Variants in TMEM182 observed in about 807,000 individuals in gnomAD.
TMEM182 encodes the protein transmembrane protein 182.
TMEM182 carries 20 observed loss-of-function variants against 26.8 expected under a neutral mutation model. That is an observed-to-expected ratio of 0.75 (90% CI 0.53 to 1.09). TMEM182 has a LOEUF of 1.09. Among genes scored for constraint, TMEM182 ranks in the 50% least tolerant of loss-of-function variants. The pLI is 0.00. For synonymous variants in TMEM182, 109 were observed against 102.2 expected (o/e 1.07, Z -0.40); for missense variants, 277 against 275.5 (o/e 1.01, Z -0.04).
At chr2:102,819,201 TA>T (rs1281019259), downstream of TMEM182, among the ~76,000 whole-genome samples, 1 of 152,226 alleles carries the variant, frequency 6.6e-6, no homozygotes, top group Admixed American at 6.5e-5. Flanking sequence ...CTGCCACTGT[TA>T]AAAAATTTAC....
At chr2:102,744,547 ATTCT>A (rs1382979908) in intron 1 of TMEM182, among the ~76,000 whole-genome samples, 1 of 152,156 alleles carries the variant, frequency 6.6e-6, no homozygotes, top group East Asian at 1.9e-4. Context: ...CCTATATCAT[ATTCT>A]TTCTTTCTGA....
In TMEM182 at chr2:102,752,390, C is replaced by T. The variant is rs946380455; in HGVS notation, c.-82-5999C>T. The stretch of plus-strand genomic sequence containing the variant: ...CATGATATGCTCTAATTTTTAAGTG[C>T]TTACCCCATACCACATATGTATAAT... On this transcript the variant is annotated intron_variant, in intron 1 of 5. Transcript: ENST00000409173. Among the ~76,000 whole-genome samples, 15 of 152,306 alleles carry T rather than the reference C, an allele frequency of 9.8e-5. No homozygotes were observed. The Middle Eastern group carries it at 0.01, about 104-fold the overall frequency.
At chr2:102,746,323 G>A (rs917125250) in intron 1 of TMEM182, among the ~76,000 whole-genome samples, 3 of 151,892 alleles carry the variant, frequency 2.0e-5, no homozygotes, top group African/African-American at 7.3e-5. Context: ...TCTTTATATG[G>A]TCTAAATACA....
upstream of TMEM182, among the ~76,000 whole-genome samples, chr2:102,761,348 T>C (rs1680205780): frequency 6.6e-6 from 1 of 152,244 alleles, no homozygotes; most frequent in African/African-American, 2.4e-5. Context: ...TTCATCTTAA[T>C]TCAGGAAATA....
chr2:102,762,478 A>G (rs1680253511), intron 1 of TMEM182, 109 bp from the exon 2 acceptor site: 1 of 1,524,924 alleles, frequency 6.6e-7, no homozygotes, highest in Middle Eastern at 1.7e-4. Context: ...AAAGCTACTG[A>G]GCTTCATTAT....
At chr2:102,823,277 G>A (rs991286559) in intron 3 of TMEM182, among the ~76,000 whole-genome samples, 6 of 152,170 alleles carry the variant, frequency 3.9e-5, no homozygotes, top group African/African-American at 9.7e-5. Flanking sequence ...TAGAAAAAAT[G>A]TGAAGTGTAT....
intron 3 of TMEM182, among the ~76,000 whole-genome samples, chr2:102,824,043 A>C (rs1002068405): frequency 6.6e-6 from 1 of 152,240 alleles, no homozygotes; most frequent in Non-Finnish European, 1.5e-5. Context: ...AGATTCAGAA[A>C]GAGGGTTTTA....
chr2:102,739,953 A>G (rs1679497678), intron 1 of TMEM182, among the ~76,000 whole-genome samples: 1 of 152,146 alleles, frequency 6.6e-6, no homozygotes, highest in African/African-American at 2.4e-5. Flanking sequence ...TGAAATTGTA[A>G]TAGGCTAACT....
intron 3 of TMEM182, among the ~76,000 whole-genome samples, chr2:102,787,782 A>T (rs2732809): frequency 2.6e-5 from 4 of 152,020 alleles, no homozygotes; most frequent in Non-Finnish European, 5.9e-5. Context: ...TGGATTCTCC[A>T]GATAGCCCTG....
chr2:102,739,158 G>A (rs1261782465), intron 1 of TMEM182, among the ~76,000 whole-genome samples: 2 of 152,112 alleles, frequency 1.3e-5, no homozygotes, highest in Admixed American at 6.5e-5. Flanking sequence ...ATTATCAGAG[G>A]CCAGGTCATA....
chr2:102,788,416 G>C (rs1375848261), intron 3 of TMEM182, among the ~76,000 whole-genome samples: 4 of 152,076 alleles, frequency 2.6e-5, no homozygotes, highest in Admixed American at 6.5e-5. Flanking sequence ...GTGCTCACCT[G>C]GTCCCCTGGG....
At chr2:102,768,437 C>T (rs1037617116) in intron 3 of TMEM182, among the ~76,000 whole-genome samples, 1 of 151,806 alleles carries the variant, frequency 6.6e-6, no homozygotes, top group African/African-American at 2.4e-5. Context: ...TGTTGTAATC[C>T]CAACACTTTG....
chr2:102,796,562 C>T (rs1045797074), intron 3 of TMEM182, among the ~76,000 whole-genome samples: 3 of 152,212 alleles, frequency 2.0e-5, no homozygotes, highest in African/African-American at 7.2e-5. Flanking sequence ...CACTCTGCAA[C>T]TCGTAATTTC....
At chr2:102,818,673 C>T (rs947250804), downstream of TMEM182, among the ~76,000 whole-genome samples, 13 of 152,028 alleles carry the variant, frequency 8.6e-5, no homozygotes, top group South Asian at 6.2e-4. Flanking sequence ...GGCAATTGGA[C>T]GGTTGAACTT....
At chr2:102,778,190 T>C (rs1048352969) in intron 3 of TMEM182, among the ~76,000 whole-genome samples, 1 of 151,822 alleles carries the variant, frequency 6.6e-6, no homozygotes, top group East Asian at 1.9e-4. Flanking sequence ...CATAGCTCTG[T>C]TTTTTTTATA....
intron 3 of TMEM182, among the ~76,000 whole-genome samples, chr2:102,764,734 A>T (rs976499130): frequency 6.6e-5 from 10 of 152,052 alleles, no homozygotes; most frequent in African/African-American, 2.2e-4. Flanking sequence ...GTTTTAACAG[A>T]CCTAAAACGA....
chr2:102,794,158 A>G (rs973760377), intron 3 of TMEM182, among the ~76,000 whole-genome samples: 3 of 152,238 alleles, frequency 2.0e-5, no homozygotes, highest in African/African-American at 7.2e-5. Flanking sequence ...TTCTTCTAAT[A>G]GTTCTAAAGG....
intron 3 of TMEM182, among the ~76,000 whole-genome samples, chr2:102,783,903 G>T (rs975530202): frequency 1.3e-5 from 2 of 152,172 alleles, no homozygotes; most frequent in Admixed American, 6.5e-5. Flanking sequence ...GGATAATGAG[G>T]TATGCTTGCC....
In TMEM182 at chr2:102,764,436, C is replaced by T. The variant is rs1680345244; in HGVS notation, c.331+9C>T. ...CTATGACTCTGCAGTTAGTAAGTACCCTCTGTCCTCAGCCTACTTCTAAAA... is the reference window on the plus strand; with the variant it reads ...CTATGACTCTGCAGTTAGTAAGTACTCTCTGTCCTCAGCCTACTTCTAAAA... On this transcript the variant is annotated intron_variant, in intron 3 of 4. Transcript: ENST00000412401. 1 of 1,611,526 alleles carries T rather than the reference C, an allele frequency of 6.2e-7. No homozygotes were observed. Among genetic ancestry groups the T allele is most frequent in the Non-Finnish European group, 8.5e-7 (1 of 1,178,166 alleles).
Sources: allele counts gnomAD v4.1 joint callset (sites outside exome capture counted in the v4.1 genomes callset), GRCh38; gene constraint gnomAD v4.1.1; transcripts MANE v1.5; gene names NCBI Gene and HGNC (gene_info 2026-07-23, HGNC 2026-07-21).